The following STK10 variants were observed in gnomAD, a reference collection of about 807,000 sequenced individuals.
STK10 encodes serine/threonine-protein kinase 10.
A neutral mutation model predicts 113.8 loss-of-function variants in STK10; 78 were observed. That is an observed-to-expected ratio of 0.69 (90% confidence interval 0.57 to 0.83). STK10 has a LOEUF of 0.83. Ranked by LOEUF, STK10 falls within the 40% of genes least tolerant of loss-of-function variation. STK10 has a pLI of 0.00. For synonymous variants in STK10, 465 were observed against 494.7 expected (o/e 0.94, Z 0.80); for missense variants, 1,109 against 1,280.1 (o/e 0.87, Z 2.04).
At chr5:172,148,853 A>G (rs746175353) in intron 2 of STK10, among the ~76,000 whole-genome samples, 1 of 152,232 alleles carries the variant, frequency 6.6e-6, no homozygotes, top group African/African-American at 2.4e-5. Flanking sequence ...CCACCGTTCT[A>G]ACCCTTGGTC....
chr5:172,094,636 G>C (rs748824066), intron 8 of STK10, among the ~76,000 whole-genome samples: 1 of 152,068 alleles, frequency 6.6e-6, no homozygotes, highest in Non-Finnish European at 1.5e-5. Context: ...TGCCCGCCTC[G>C]GCCTCCCAAA....
At chr5:172,053,811 G>A (rs1213533510) in intron 17 of STK10, among the ~76,000 whole-genome samples, 2 of 152,232 alleles carry the variant, frequency 1.3e-5, no homozygotes, top group Admixed American at 6.5e-5. Context: ...AGTAATACTC[G>A]CAGCAGCGCT....
intron 1 of STK10, among the ~76,000 whole-genome samples, chr5:172,161,297 C>T (rs1770465837): frequency 6.6e-6 from 1 of 151,874 alleles, no homozygotes; most frequent in Admixed American, 6.6e-5. Flanking sequence ...ACTAAAAATA[C>T]AAAAAATTAG....
rs1038375345 is a variant in STK10, at chr5:172,102,157, C to T, written c.870+3499G>A. ...GGGCAGGGGACCAGCGAGGAGGCAG[C>T]AGCCCGAGTGAGAGGTGGTGGTGGC... On this transcript the variant is annotated intron_variant, in intron 7 of 18. Coordinates refer to ENST00000176763, the MANE Select transcript of STK10 (RefSeq NM_005990.4). Among the ~76,000 whole-genome samples the T allele has an allele frequency of 3.3e-5, 5 of 152,242 alleles. No homozygotes were observed. The South Asian group carries it at 8.3e-4, about 25-fold the overall frequency.
At chr5:172,121,444 A>C (rs1581166829) in intron 3 of STK10, among the ~76,000 whole-genome samples, 1 of 152,048 alleles carries the variant, frequency 6.6e-6, no homozygotes, top group Non-Finnish European at 1.5e-5. Flanking sequence ...GGCTCATGCA[A>C]TCTTCCCACC....
At chr5:172,091,529 CTCTT>C (rs1404064676) in intron 9 of STK10, among the ~76,000 whole-genome samples, 1 of 133,142 alleles carries the variant, frequency 7.5e-6, no homozygotes, top group African/African-American at 3.3e-5. Context: ...GTTTCAAAGC[CTCTT>C]TTTTTTTTTT....
intron 5 of STK10, 26 bp downstream of exon 5, chr5:172,107,754 C>G (rs1374871238): frequency 6.2e-7 from 1 of 1,612,246 alleles, no homozygotes; most frequent in East Asian, 2.2e-5. Context: ...CCAGTCCATT[C>G]CATTTCCAGA....
chr5:172,175,864 C>T (rs1333103237), intron 1 of STK10, among the ~76,000 whole-genome samples: 2 of 152,200 alleles, frequency 1.3e-5, no homozygotes, highest in African/African-American at 4.8e-5. Context: ...AGTCACTGTA[C>T]CTCTCTGGGT....
At chr5:172,102,821 C>T (rs1769019654) in intron 7 of STK10, among the ~76,000 whole-genome samples, 1 of 150,360 alleles carries the variant, frequency 6.7e-6, no homozygotes, top group Admixed American at 6.7e-5. Flanking sequence ...AAAAATGTTA[C>T]ATACAAAATC....
chr5:172,182,544 C>T (rs1285050459), intron 1 of STK10, among the ~76,000 whole-genome samples: 1 of 144,868 alleles, frequency 6.9e-6, no homozygotes, highest in Non-Finnish European at 1.5e-5. Flanking sequence ...TCACCATGCC[C>T]AGCTCATTTT....
At chr5:172,091,320 C>CACCATGAGATT (rs1287690309) in intron 9 of STK10, among the ~76,000 whole-genome samples, 1 of 152,176 alleles carries the variant, frequency 6.6e-6, no homozygotes, top group Non-Finnish European at 1.5e-5. Flanking sequence ...TGCTAGGAGT[C>CACCATGAGATT]ACCATGAGAT....
chr5:172,061,432 C>T (rs1767934909), intron 13 of STK10, 164 bp from the exon 14 acceptor site: 4 of 899,930 alleles, frequency 4.4e-6, no homozygotes, highest in Admixed American at 6.5e-5. Flanking sequence ...GACGCATCAA[C>T]CAATTTCAAC....
At chr5:172,073,586 C>T (rs1214925728) in intron 12 of STK10, among the ~76,000 whole-genome samples, 1 of 152,074 alleles carries the variant, frequency 6.6e-6, no homozygotes, top group Non-Finnish European at 1.5e-5. Context: ...GCGTAAGCCA[C>T]TGCATCTGGC....
At chr5:172,132,621 C>T (rs776508897) in intron 2 of STK10, among the ~76,000 whole-genome samples, 11 of 152,150 alleles carry the variant, frequency 7.2e-5, no homozygotes, top group Non-Finnish European at 1.2e-4. Flanking sequence ...AGGGCATAAG[C>T]AGCCTATATT....
At chr5:172,049,091 C>A (rs1485942491) in intron 18 of STK10, among the ~76,000 whole-genome samples, 1 of 152,172 alleles carries the variant, frequency 6.6e-6, no homozygotes, top group Admixed American at 6.5e-5. Flanking sequence ...GTGACCCCCC[C>A]ATGCTGTTTC....
At chr5:172,150,219 G>A (rs556391163) in intron 2 of STK10, among the ~76,000 whole-genome samples, 14 of 151,738 alleles carry the variant, frequency 9.2e-5, no homozygotes, top group African/African-American at 2.4e-4. Flanking sequence ...GGTGGCTCAC[G>A]CCTGTAATCC....
At chr5:172,129,642 GGT>G (rs1769704610) in intron 2 of STK10, among the ~76,000 whole-genome samples, 1 of 152,166 alleles carries the variant, frequency 6.6e-6, no homozygotes, top group Non-Finnish European at 1.5e-5. Flanking sequence ...AACAGACAGA[GGT>G]GACTTGGAAA....
chr5:172,185,614 T>C (rs1770942432), intron 1 of STK10, among the ~76,000 whole-genome samples: 1 of 152,142 alleles, frequency 6.6e-6, no homozygotes, highest in Non-Finnish European at 1.5e-5. Flanking sequence ...AACTGAACCT[T>C]CTGGAGAAAG....
chr5:172,130,153 A>G (rs1306740483), intron 2 of STK10, among the ~76,000 whole-genome samples: 1 of 152,078 alleles, frequency 6.6e-6, no homozygotes, highest in East Asian at 1.9e-4. Flanking sequence ...GCCTTGGACA[A>G]CCGCCAATCC....
Sources: allele counts gnomAD v4.1 joint callset (sites outside exome capture counted in the v4.1 genomes callset), GRCh38; gene constraint gnomAD v4.1.1; transcripts MANE v1.5; gene names NCBI Gene and HGNC (gene_info 2026-07-23, HGNC 2026-07-21).